Variants in MDGA2 observed in about 807,000 individuals in gnomAD.
MDGA2 encodes MAM domain containing glycosylphosphatidylinositol anchor 2.
MDGA2 carries 40 observed loss-of-function variants against 117.8 expected under a neutral mutation model. The ratio of observed to expected loss-of-function variants is 0.34; its 90% CI spans 0.26 to 0.44. The LOEUF is 0.44. Among genes scored for constraint, MDGA2 ranks in the 20% least tolerant of loss-of-function variants. MDGA2 has a pLI of 1.00. For synonymous variants in MDGA2, 452 were observed against 439.0 expected (o/e 1.03, Z -0.37); for missense variants, 1,123 against 1,250.6 (o/e 0.90, Z 1.54).
chr14:47,248,767 A>G (rs776598673), intron 2 of MDGA2, among the ~76,000 whole-genome samples: 25 of 151,460 alleles, frequency 1.7e-4, no homozygotes, highest in Non-Finnish European at 3.4e-4. Flanking sequence ...TAGGTTTATC[A>G]AAGTAATTTT....
intron 15 of MDGA2, among the ~76,000 whole-genome samples, chr14:46,847,042 T>C (rs1880868058): frequency 6.6e-6 from 1 of 152,050 alleles, no homozygotes; most frequent in South Asian, 2.1e-4. Context: ...GGGAAAGCCA[T>C]AGCTTAATTA....
At chr14:47,225,379 C>T (rs111673542) in intron 2 of MDGA2, among the ~76,000 whole-genome samples, 9,333 of 150,910 alleles carry the variant, frequency 0.062, 316 homozygotes, top group Non-Finnish European at 0.061. Context: ...TATTGCGGCA[C>T]TATTCACAAT....
chr14:47,071,878 A>C (rs1400732968), intron 6 of MDGA2, among the ~76,000 whole-genome samples: 1 of 152,176 alleles, frequency 6.6e-6, no homozygotes, highest in African/African-American at 2.4e-5. Context: ...TATAGTGATC[A>C]TAACAATAAA....
intron 8 of MDGA2, among the ~76,000 whole-genome samples, chr14:47,010,957 C>T (rs1381029959): frequency 6.6e-6 from 1 of 151,784 alleles, no homozygotes; most frequent in Non-Finnish European, 1.5e-5. Flanking sequence ...CATTAATATC[C>T]ATTTGCAGTA....
chr14:46,949,935 C>T (rs1008689104), intron 9 of MDGA2, among the ~76,000 whole-genome samples: 6 of 151,664 alleles, frequency 4.0e-5, no homozygotes, highest in African/African-American at 1.2e-4. Context: ...AGCAACATTG[C>T]TCTGAATCTT....
chr14:47,006,209 G>T (rs1038371214), intron 8 of MDGA2, among the ~76,000 whole-genome samples: 4 of 150,952 alleles, frequency 2.6e-5, no homozygotes, highest in African/African-American at 9.7e-5. Flanking sequence ...GACTATTATG[G>T]TCAGTTAATC....
At chr14:47,654,984 T>C (rs940010184) in intron 1 of MDGA2, among the ~76,000 whole-genome samples, 1 of 152,046 alleles carries the variant, frequency 6.6e-6, no homozygotes, top group African/African-American at 2.4e-5. Flanking sequence ...CTGATGATAA[T>C]GTTGCTAGGA....
At chr14:47,181,137 T>C (rs948484856) in intron 3 of MDGA2, among the ~76,000 whole-genome samples, 2 of 152,164 alleles carry the variant, frequency 1.3e-5, no homozygotes, top group Non-Finnish European at 2.9e-5. Context: ...GTTTGTTACA[T>C]AGGTATACAT....
intron 1 of MDGA2, among the ~76,000 whole-genome samples, chr14:47,584,329 T>G (rs561201946): frequency 6.6e-6 from 1 of 151,856 alleles, no homozygotes; most frequent in Non-Finnish European, 1.5e-5. Context: ...TGATCACACT[T>G]GTGAATAACT....
intron 8 of MDGA2, among the ~76,000 whole-genome samples, chr14:46,977,807 G>A (rs1468615581): frequency 6.6e-6 from 1 of 151,434 alleles, no homozygotes; most frequent in African/African-American, 2.4e-5. Context: ...AGAAATTGGG[G>A]AGATAATGTA....
chr14:47,058,178 TAAAG>T (rs1889753333), intron 7 of MDGA2, among the ~76,000 whole-genome samples: 2 of 151,992 alleles, frequency 1.3e-5, no homozygotes, highest in African/African-American at 2.4e-5. Context: ...GATGAAGAAT[TAAAG>T]AGAGAGGAAA....
At chr14:47,469,541 T>A (rs1023654001) in intron 1 of MDGA2, among the ~76,000 whole-genome samples, 1 of 152,158 alleles carries the variant, frequency 6.6e-6, no homozygotes, top group Non-Finnish European at 1.5e-5. Flanking sequence ...ATTTTCTTAA[T>A]CCAGTCTATC....
rs1357686872 is a variant in MDGA2, at chr14:47,532,324, G to T, written c.280+142193C>A. On this transcript the variant is annotated intron_variant, in intron 1 of 16. Coordinates refer to ENST00000399232, the MANE Select transcript of MDGA2 (RefSeq NM_001113498.3). Reference sequence around the variant, plus strand: ...TCTTTGGTTTTTATAACCTTGACAGGTCCTGACTTGGTCTTTCCTTCTTTA... The same window carrying T: ...TCTTTGGTTTTTATAACCTTGACAGTTCCTGACTTGGTCTTTCCTTCTTTA... 3.9e-5 allele frequency among the ~76,000 whole-genome samples: 6 copies of T among 152,088 alleles called. No individual in the cohort carries two copies. The East Asian group carries it at 1.2e-3, about 29-fold the overall frequency.
intron 7 of MDGA2, among the ~76,000 whole-genome samples, chr14:47,051,763 G>A (rs1041870249): frequency 6.6e-6 from 1 of 151,882 alleles, no homozygotes; most frequent in Non-Finnish European, 1.5e-5. Context: ...AGAAAATGGT[G>A]ATGAAACTGT....
At chr14:47,636,147 T>A (rs1179138523) in intron 1 of MDGA2, among the ~76,000 whole-genome samples, 1 of 152,214 alleles carries the variant, frequency 6.6e-6, no homozygotes, top group Non-Finnish European at 1.5e-5. Flanking sequence ...CTACATCTGA[T>A]CTTTTTATGG....
chr14:47,184,812 A>G (rs1270057015), intron 3 of MDGA2, among the ~76,000 whole-genome samples: 1 of 151,742 alleles, frequency 6.6e-6, no homozygotes, highest in Non-Finnish European at 1.5e-5. Flanking sequence ...TAAAACATAT[A>G]TATCATGAAG....
intron 1 of MDGA2, among the ~76,000 whole-genome samples, chr14:47,634,791 T>A (rs1594954682): frequency 6.6e-6 from 1 of 152,102 alleles, no homozygotes. Flanking sequence ...GAAAAATCTA[T>A]AGGATGCTAG....
intron 1 of MDGA2, among the ~76,000 whole-genome samples, chr14:47,543,019 G>A (rs1371283952): frequency 6.6e-6 from 1 of 152,104 alleles, no homozygotes; most frequent in African/African-American, 2.4e-5. Context: ...AGACCTTCCT[G>A]AGAAACATGG....
intron 6 of MDGA2, among the ~76,000 whole-genome samples, chr14:47,094,968 T>C (rs1879878186): frequency 6.6e-6 from 1 of 152,040 alleles, no homozygotes; most frequent in South Asian, 2.1e-4. Flanking sequence ...ATACTTCCAT[T>C]GTGAATTCTT....
Sources: gnomAD v4.1 joint callset for allele counts (sites outside exome capture counted in the v4.1 genomes callset) on GRCh38, gnomAD v4.1.1 for gene constraint, MANE v1.5 for transcripts, NCBI Gene and HGNC (gene_info 2026-07-23, HGNC 2026-07-21) for gene names.